CDH18: variants seen among roughly 807,000 people sequenced by gnomAD.
CDH18 encodes the protein cadherin 18.
In CDH18, 31 loss-of-function variants were observed where a neutral mutation model predicts 67.9. The ratio of observed to expected loss-of-function variants is 0.46; its 90% CI spans 0.34 to 0.62. CDH18 has a LOEUF of 0.62. Ranked by LOEUF, CDH18 falls within the 20% of genes least tolerant of loss-of-function variation. The pLI, the probability that CDH18 is intolerant of heterozygous loss-of-function variation, is 0.01. For synonymous variants in CDH18, 362 were observed against 347.2 expected (o/e 1.04, Z -0.48); for missense variants, 890 against 975.5 (o/e 0.91, Z 1.17).
chr5:20,544,274 G>A (rs1376350685), intron 1 of CDH18, among the ~76,000 whole-genome samples: 1 of 151,910 alleles, frequency 6.6e-6, no homozygotes, highest in African/African-American at 2.4e-5. Flanking sequence ...GTTAATAGAG[G>A]AAGATAGAAT....
intron 4 of CDH18, among the ~76,000 whole-genome samples, chr5:19,722,596 A>T (rs970863155): frequency 6.6e-6 from 1 of 151,546 alleles, no homozygotes; most frequent in Non-Finnish European, 1.5e-5. Flanking sequence ...ATGAAAACTT[A>T]ATCTAAGTAT....
chr5:19,569,730 T>C (rs62349539), intron 8 of CDH18, among the ~76,000 whole-genome samples: 11,246 of 152,166 alleles, frequency 0.074, 454 homozygotes, highest in African/African-American at 0.088. Flanking sequence ...TACATATTGG[T>C]ACCCACTGGA....
At chr5:20,278,334 A>ACAGGG (rs1477098255) in intron 1 of CDH18, among the ~76,000 whole-genome samples, 1 of 152,128 alleles carries the variant, frequency 6.6e-6, no homozygotes, top group Admixed American at 6.6e-5. Context: ...TGCAAATCTT[A>ACAGGG]CAGGGCAGAA....
chr5:20,046,690 C>T (rs1023468670), intron 2 of CDH18, among the ~76,000 whole-genome samples: 1 of 148,468 alleles, frequency 6.7e-6, no homozygotes, highest in African/African-American at 2.5e-5. Context: ...ATATATATCT[C>T]TATATATATA....
At chr5:20,339,497 T>A (rs1740069183) in intron 1 of CDH18, among the ~76,000 whole-genome samples, 1 of 152,038 alleles carries the variant, frequency 6.6e-6, no homozygotes. Context: ...ACAGTTTTAG[T>A]GGACTGGGAC....
intron 1 of CDH18, among the ~76,000 whole-genome samples, chr5:20,444,091 G>T (rs1475402197): frequency 6.6e-6 from 1 of 151,758 alleles, no homozygotes; most frequent in East Asian, 1.9e-4. Context: ...GCTTAGTATT[G>T]TCCCTTTATT....
chr5:19,913,691 A>G (rs1791416180), intron 2 of CDH18, among the ~76,000 whole-genome samples: 1 of 152,100 alleles, frequency 6.6e-6, no homozygotes, highest in Non-Finnish European at 1.5e-5. Context: ...TAAAAAAAAG[A>G]ATGATGCTGA....
chr5:19,844,595 T>C (rs893286418), intron 2 of CDH18, among the ~76,000 whole-genome samples: 1 of 152,148 alleles, frequency 6.6e-6, no homozygotes, highest in East Asian at 1.9e-4. Flanking sequence ...CCAAATACTT[T>C]CTTTCTATAT....
intron 1 of CDH18, among the ~76,000 whole-genome samples, chr5:20,369,853 T>C (rs1351188649): frequency 5.3e-5 from 8 of 152,138 alleles, no homozygotes; most frequent in Admixed American, 3.9e-4. Flanking sequence ...TAACATAAAA[T>C]TTCCATTTTT....
intron 6 of CDH18, among the ~76,000 whole-genome samples, chr5:19,598,283 G>A (rs1437554806): frequency 6.6e-6 from 1 of 151,992 alleles, no homozygotes; most frequent in Non-Finnish European, 1.5e-5. Context: ...TGTCCCTGTG[G>A]TTTCAACATC....
intron 1 of CDH18, among the ~76,000 whole-genome samples, chr5:20,556,753 G>GTTCA (rs1757929408): frequency 6.6e-6 from 1 of 152,124 alleles, no homozygotes; most frequent in Non-Finnish European, 1.5e-5. Flanking sequence ...AAGGTGTTAA[G>GTTCA]TTAATGGTTT....
intron 10 of CDH18, among the ~76,000 whole-genome samples, chr5:19,506,986 A>C (rs1256690681): frequency 2.0e-5 from 3 of 152,174 alleles, no homozygotes; most frequent in Non-Finnish European, 4.4e-5. Context: ...AATGGGAGAA[A>C]ATTTTTGCAA....
At chr5:19,906,890 T>C (rs1028948658) in intron 2 of CDH18, among the ~76,000 whole-genome samples, 1 of 152,028 alleles carries the variant, frequency 6.6e-6, no homozygotes, top group African/African-American at 2.4e-5. Context: ...CTCTCTAAGC[T>C]GTTGTATATA....
At chr5:20,315,761 T>A (rs1352135642) in intron 1 of CDH18, among the ~76,000 whole-genome samples, 1 of 152,168 alleles carries the variant, frequency 6.6e-6, no homozygotes, top group East Asian at 1.9e-4. Context: ...CAAAGGCTAC[T>A]TTGATAACCA....
chr5:19,693,118 T>C (rs191329174), intron 5 of CDH18, among the ~76,000 whole-genome samples: 22 of 152,066 alleles, frequency 1.4e-4, no homozygotes, highest in African/African-American at 5.1e-4. Context: ...CTGGAGGTTA[T>C]TATGTTACAT....
intron 2 of CDH18, among the ~76,000 whole-genome samples, chr5:20,025,743 AT>A (rs1738839216): frequency 1.3e-5 from 2 of 152,244 alleles, no homozygotes; most frequent in Admixed American, 1.3e-4. Flanking sequence ...CCAGAGCCTC[AT>A]TTTCCTCTAA....
At chr5:19,922,287 A>T (rs1792578648) in intron 2 of CDH18, among the ~76,000 whole-genome samples, 1 of 152,218 alleles carries the variant, frequency 6.6e-6, no homozygotes, top group Non-Finnish European at 1.5e-5. Flanking sequence ...TAGCTAGGTG[A>T]ACTGAAGCAA....
chr5:20,182,970 G>A (rs901133152), intron 2 of CDH18, among the ~76,000 whole-genome samples: 4 of 152,062 alleles, frequency 2.6e-5, no homozygotes, highest in Non-Finnish European at 5.9e-5. Context: ...AAGGGTATAG[G>A]TTCTGGAACC....
At chr5:20,468,536 CA>C in intron 1 of CDH18, among the ~76,000 whole-genome samples, 1 of 152,146 alleles carries the variant, frequency 6.6e-6, no homozygotes, top group Non-Finnish European at 1.5e-5. Flanking sequence ...TAAATATCTA[CA>C]TATTTTCAAG....
Sources: gnomAD v4.1 joint callset for allele counts (sites outside exome capture counted in the v4.1 genomes callset) on GRCh38, gnomAD v4.1.1 for gene constraint, MANE v1.5 for transcripts, NCBI Gene and HGNC (gene_info 2026-07-23, HGNC 2026-07-21) for gene names.